The following AKR1C2 variants were observed in gnomAD, a reference collection of about 807,000 sequenced individuals.
The protein encoded by AKR1C2 is aldo-keto reductase family 1 member C2.
AKR1C2 carries 27 observed loss-of-function variants against 39.8 expected under a neutral mutation model. That is an observed-to-expected ratio of 0.68 (90% CI 0.50 to 0.93). AKR1C2 has a LOEUF of 0.93. Among genes scored for constraint, AKR1C2 ranks in the 40% least tolerant of loss-of-function variants. AKR1C2 has a pLI of 0.00. For synonymous variants in AKR1C2, 114 were observed against 137.9 expected (o/e 0.83, Z 1.22); for missense variants, 263 against 365.1 (o/e 0.72, Z 2.28).
At chr10:4,993,990 T>C (rs1202445685) in intron 7 of AKR1C2, among the ~76,000 whole-genome samples, 1 of 151,768 alleles carries the variant, frequency 6.6e-6, no homozygotes, top group Admixed American at 6.6e-5. Context: ...ATCAATTGTT[T>C]CATTATTGTC....
upstream of AKR1C2, chr10:5,004,106 G>T: frequency 3.3e-6 from 1 of 304,852 alleles, no homozygotes; most frequent in Non-Finnish European, 6.0e-6. Flanking sequence ...CTCTATATAT[G>T]AGACATAAAT....
intron 2 of AKR1C2, among the ~76,000 whole-genome samples, chr10:5,001,182 C>A (rs769705618): frequency 3.9e-5 from 6 of 152,158 alleles, no homozygotes; most frequent in Non-Finnish European, 5.9e-5. Context: ...AACTCAGAAT[C>A]ATAACAAATG....
chr10:4,994,078 T>A (rs1836935821), intron 7 of AKR1C2, among the ~76,000 whole-genome samples: 1 of 151,676 alleles, frequency 6.6e-6, no homozygotes, highest in Non-Finnish European at 1.5e-5. Context: ...CTTAATGTTT[T>A]AGTAAATAGT....
upstream of AKR1C2, among the ~76,000 whole-genome samples, chr10:5,008,749 C>A (rs549570616): frequency 6.6e-6 from 1 of 152,338 alleles, no homozygotes; most frequent in African/African-American, 2.4e-5. Context: ...AATAAATGAT[C>A]CTAATTTCTT....
At chr10:5,011,166 C>T (rs1168738945) in intron 1 of AKR1C2, among the ~76,000 whole-genome samples, 1 of 151,950 alleles carries the variant, frequency 6.6e-6, no homozygotes, top group Non-Finnish European at 1.5e-5. Context: ...ACAACAATAA[C>T]AAGAAAACCC....
upstream of AKR1C2, chr10:5,006,578 G>C (rs1554774421): frequency 6.7e-6 from 1 of 149,888 alleles, no homozygotes; most frequent in African/African-American, 2.4e-5. Context: ...ACTCCAGCTT[G>C]GGCTTAAACT....
intron 1 of AKR1C2, among the ~76,000 whole-genome samples, chr10:5,003,249 G>A (rs1336920639): frequency 6.8e-6 from 1 of 146,112 alleles, no homozygotes; most frequent in Non-Finnish European, 1.5e-5. Context: ...ATTATTTCAG[G>A]TAATTTTCCC....
At chr10:4,999,890 A>G in intron 3 of AKR1C2, 2 of 891,208 alleles carry the variant, frequency 2.2e-6, no homozygotes, top group Non-Finnish European at 2.7e-6. Flanking sequence ...GAAAGGATAT[A>G]TTTTTAGAGT....
chr10:4,998,851 A>C, intron 4 of AKR1C2, 104 bp from the exon 5 acceptor site: 1 of 1,529,588 alleles, frequency 6.5e-7, no homozygotes. Flanking sequence ...CGTGACAATC[A>C]AACTAGCTAG....
At chr10:4,999,722 G>A (rs1470501955) in intron 3 of AKR1C2, 9 of 182,472 alleles carry the variant, frequency 4.9e-5, no homozygotes, top group Non-Finnish European at 8.7e-5. Context: ...GGTCAATGGA[G>A]GCGTTTTCCA....
chr10:5,016,582 C>T (rs1441710899), intron 1 of AKR1C2, among the ~76,000 whole-genome samples: 1 of 152,226 alleles, frequency 6.6e-6, no homozygotes, highest in African/African-American at 2.4e-5. Context: ...CCCATGGCTG[C>T]TTTCACTGGC....
At chr10:5,003,511 C>T (rs534466915) in intron 1 of AKR1C2, among the ~76,000 whole-genome samples, 1 of 151,248 alleles carries the variant, frequency 6.6e-6, no homozygotes, top group East Asian at 2.0e-4. Context: ...GCAGGCAAGC[C>T]GTGTTCTTTC....
intron 1 of AKR1C2, chr10:5,015,010 G>C (rs1837609343): frequency 6.6e-6 from 1 of 152,200 alleles, no homozygotes; most frequent in Non-Finnish European, 1.5e-5. Flanking sequence ...AGTCACTATA[G>C]CCTAGACAGC....
chr10:4,988,991 T>A lies in AKR1C2; in HGVS notation c.*1005A>T, dbSNP rs1836750171. On this transcript the variant is annotated 3_prime_UTR_variant, in exon 9 of 9. Coordinates refer to ENST00000380753, the MANE Select transcript of AKR1C2 (RefSeq NM_001393392.1). ...ACATTTGATTTATTAGATGTATTAT[T>A]TCCCATTTTAATCTTGAGTGCCATG... 6.6e-6 allele frequency: 1 copy of A among 152,238 alleles called. No individual in the cohort carries two copies. The allele number at this position is 152,238 out of a possible 1,614,324, so 9.4% of individuals were successfully genotyped here. A position where few individuals can be genotyped will look rare whatever the true frequency, so the allele number is the denominator to read the frequency against.
intron 1 of AKR1C2, among the ~76,000 whole-genome samples, chr10:5,009,748 T>C: frequency 6.6e-6 from 1 of 152,002 alleles, no homozygotes. Flanking sequence ...AAGCCTAAGT[T>C]CCTGGGCAGA....
intron 5 of AKR1C2, among the ~76,000 whole-genome samples, chr10:4,997,083 G>C (rs1226124124): frequency 6.6e-6 from 1 of 152,070 alleles, no homozygotes; most frequent in African/African-American, 2.4e-5. Flanking sequence ...GCTTAACCAA[G>C]TTTTTAAAAC....
chr10:4,997,254 G>A, intron 5 of AKR1C2: 1 of 152,130 alleles, frequency 6.6e-6, no homozygotes, highest in East Asian at 1.9e-4. Context: ...CTTCAACTGG[G>A]AAAAACAAGT....
At chr10:5,013,765 A>C (rs1217630189) in intron 1 of AKR1C2, 5 of 152,222 alleles carry the variant, frequency 3.3e-5, no homozygotes, top group Non-Finnish European at 5.9e-5. Flanking sequence ...ATTAGCATTA[A>C]GTCCATCAAC....
In AKR1C2 at chr10:5,015,511, C is replaced by G. The variant is rs530177084; in HGVS notation, c.-88+2389G>C. 4.6e-5 allele frequency among the ~76,000 whole-genome samples: 7 copies of G among 152,264 alleles called. No individual in the cohort carries two copies. The South Asian group carries it at 1.5e-3, about 32-fold the overall frequency. On this transcript the variant is annotated intron_variant, in intron 1 of 6. Transcript: ENST00000604507. ...ACAGAACTACCCTCCCTAACACAGA[C>G]TCCTCATTGGTACAGCCCAATTACA...
Sources: allele counts gnomAD v4.1 joint callset (sites outside exome capture counted in the v4.1 genomes callset), GRCh38; gene constraint gnomAD v4.1.1; transcripts MANE v1.5; gene names NCBI Gene and HGNC (gene_info 2026-07-23, HGNC 2026-07-21).